The following MOK variants were observed in gnomAD, a reference collection of about 807,000 sequenced individuals.
The protein encoded by MOK is MOK protein kinase.
In MOK, 59 loss-of-function variants were observed where a neutral mutation model predicts 54.2. The observed-to-expected ratio is 1.09, with a 90% CI of 0.88 to 1.35. The LOEUF (loss-of-function observed/expected upper bound fraction) is 1.35. MOK is among the 40% of genes most tolerant of loss of function. The probability of loss-of-function intolerance (pLI) is 0.00; values close to 1 mark genes in which losing one functional copy is unlikely to be tolerated. For synonymous variants in MOK, 210 were observed against 202.7 expected (o/e 1.04, Z -0.31); for missense variants, 517 against 526.2 (o/e 0.98, Z 0.17).
intron 1 of MOK, among the ~76,000 whole-genome samples, chr14:102,293,717 AAAAAAAAAAGAAAAG>A (rs1260244702): frequency 4.3e-4 from 65 of 150,440 alleles, no homozygotes; most frequent in African/African-American, 1.6e-3. Context: ...AAAAAAAAAA[AAAAAAAAAAGAAAAG>A]AAAAGAAAAA....
At chr14:102,228,409 A>G (rs1567119961), downstream of MOK, among the ~76,000 whole-genome samples, 1 of 152,160 alleles carries the variant, frequency 6.6e-6, no homozygotes, top group Non-Finnish European at 1.5e-5. Flanking sequence ...AAATTAAGCC[A>G]CACCAGGCCA....
chr14:102,233,580 A>C, intron 8 of MOK, 108 bp downstream of exon 8: 1 of 868,508 alleles, frequency 1.2e-6, no homozygotes. Context: ...GTAGTCAGCC[A>C]AAGGAGCTCC....
chr14:102,271,336 G>A (rs942946622), intron 2 of MOK, among the ~76,000 whole-genome samples: 4 of 151,764 alleles, frequency 2.6e-5, no homozygotes, highest in South Asian at 2.1e-4. Context: ...CCACTTCGTC[G>A]TGATCCCATC....
chr14:102,295,494 T>C (rs1306350649), intron 1 of MOK, among the ~76,000 whole-genome samples: 3 of 152,216 alleles, frequency 2.0e-5, no homozygotes, highest in African/African-American at 7.2e-5. Context: ...ATCAGAGCTA[T>C]GGGGCTTCAC....
downstream of MOK, among the ~76,000 whole-genome samples, chr14:102,220,788 T>C (rs989577704): frequency 1.3e-5 from 2 of 152,196 alleles, no homozygotes; most frequent in Non-Finnish European, 2.9e-5. This position sits in a 1 kb window ranked among gnomAD's most constrained non-coding sequence, Gnocchi z 4.2. Flanking sequence ...CTTTTCATTT[T>C]TTGAGACAGG....
intron 7 of MOK, among the ~76,000 whole-genome samples, chr14:102,248,187 T>C (rs1417629765): frequency 1.3e-5 from 2 of 152,216 alleles, no homozygotes. Flanking sequence ...AAAAGCTTCT[T>C]GGTGCTGCCC....
intron 6 of MOK, among the ~76,000 whole-genome samples, chr14:102,251,256 T>C (rs1326093392): frequency 1.3e-5 from 2 of 152,226 alleles, no homozygotes; most frequent in Admixed American, 6.5e-5. Flanking sequence ...GGTTAACCCA[T>C]TGGCGCTTCT....
rs1326801922 is a variant in MOK at position 102,229,180 on chromosome 14, G to C, written c.*109C>G. 2 of 1,215,934 alleles carry C rather than the reference G, an allele frequency of 1.6e-6. No individual in the cohort carries two copies. The highest frequency in any genetic ancestry group is 3.1e-5 in the African/African-American group (2 of 65,350). The allele number at this position is 1,215,934 out of a possible 1,614,324, so 75.3% of individuals were successfully genotyped here. ...CCAGAGCCCCGGCCAGCGCGAAACG[G>C]ACGCAGGCGCATCCCCAGCCCTCCG... On this transcript the variant is annotated 3_prime_UTR_variant, in exon 12 of 12. Transcript: ENST00000361847.
intron 1 of MOK, among the ~76,000 whole-genome samples, chr14:102,293,720 A>AAAG (rs2071054955): frequency 6.7e-6 from 1 of 149,884 alleles, no homozygotes; most frequent in Non-Finnish European, 1.5e-5. Flanking sequence ...AAAAAAAAAA[A>AAAG]AAAAAAGAAA....
Position 102,232,910 on chromosome 14 carries a change from G to T in MOK, c.693-202C>A. 2.2e-6 allele frequency: 1 copy of T among 449,644 alleles called. No homozygotes were observed. Among genetic ancestry groups the T allele is most frequent in the Non-Finnish European group, 3.9e-6 (1 of 255,514 alleles). 27.9% of individuals were successfully genotyped at this position (449,644 alleles called of 1,614,324 possible). On this transcript the variant is annotated intron_variant, in intron 8 of 11. Coordinates refer to ENST00000361847, the MANE Select transcript of MOK (RefSeq NM_014226.3). This position sits in a 1 kb window ranked among gnomAD's most constrained non-coding sequence, Gnocchi z 5.1. ...CTCTGTGTAGTAATGAGATATCCAC[G>T]GTTCATCGACCATAATAAACACACC...
At chr14:102,279,574 G>A (rs1178878732) in intron 2 of MOK, among the ~76,000 whole-genome samples, 2 of 152,194 alleles carry the variant, frequency 1.3e-5, no homozygotes, top group East Asian at 3.9e-4. Context: ...CCAAAGTGCT[G>A]GGATTATAGG....
chr14:102,267,583 A>G (rs1363763766), intron 2 of MOK, among the ~76,000 whole-genome samples: 1 of 152,180 alleles, frequency 6.6e-6, no homozygotes, highest in Non-Finnish European at 1.5e-5. Flanking sequence ...AAATAAATAA[A>G]TATGTCTGAA....
chr14:102,275,849 T>C (rs1417964443), intron 2 of MOK, among the ~76,000 whole-genome samples: 3 of 152,228 alleles, frequency 2.0e-5, no homozygotes, highest in East Asian at 3.9e-4. Flanking sequence ...AAGACTTCTA[T>C]ACAGAATATA....
intron 2 of MOK, among the ~76,000 whole-genome samples, chr14:102,277,970 CT>C (rs371543108): frequency 2.8e-4 from 43 of 152,164 alleles, no homozygotes; most frequent in African/African-American, 1.0e-3. Flanking sequence ...GGAGGTGGGG[CT>C]TTTGAGAGGT....
the MOK span, chr14:102,215,010 G>A: frequency 5.1e-6 from 5 of 982,076 alleles, no homozygotes; most frequent in Non-Finnish European, 6.0e-6. Flanking sequence ...TGTAAATGTA[G>A]ATAATTTTCA....
At chr14:102,223,740 T>A (rs1383221739), downstream of MOK, 1 of 152,256 alleles carries the variant, frequency 6.6e-6, no homozygotes, top group African/African-American at 2.4e-5. Context: ...CTGGTTGGTA[T>A]GGAATTGTTT....
intron 1 of MOK, among the ~76,000 whole-genome samples, chr14:102,301,395 A>G (rs1183427439): frequency 1.3e-5 from 2 of 152,202 alleles, no homozygotes; most frequent in Admixed American, 6.5e-5. Context: ...CTACTGTTGC[A>G]AACGATGCCA....
intron 4 of MOK, among the ~76,000 whole-genome samples, chr14:102,258,908 G>A (rs2067178116): frequency 6.6e-6 from 1 of 151,846 alleles, no homozygotes; most frequent in South Asian, 2.1e-4. Context: ...CTACTAAAAG[G>A]ACAAAAAATT....
At chr14:102,224,463 GTTTA>G (rs773659300), downstream of MOK, 28 of 409,568 alleles carry the variant, frequency 6.8e-5, no homozygotes, top group Middle Eastern at 3.8e-4. Flanking sequence ...GCAGAAGAAT[GTTTA>G]TTTATTTTTT....
Sources: allele counts gnomAD v4.1 joint callset (sites outside exome capture counted in the v4.1 genomes callset), GRCh38; gene constraint gnomAD v4.1.1; non-coding constraint Gnocchi (gnomAD v3.1); transcripts MANE v1.5; gene names NCBI Gene and HGNC (gene_info 2026-07-23, HGNC 2026-07-21).